Variants in TMTC4 observed in about 807,000 individuals in gnomAD.
TMTC4 encodes protein O-mannosyl-transferase TMTC4.
In TMTC4, 65 loss-of-function variants were observed where a neutral mutation model predicts 86.0. The ratio of observed to expected loss-of-function variants is 0.76; its 90% CI spans 0.62 to 0.93. The LOEUF is 0.93. TMTC4 is among the 40% of genes least tolerant of loss of function. The pLI is 0.00. For synonymous variants in TMTC4, 379 were observed against 382.5 expected, an observed-to-expected ratio of 0.99 and a Z score of 0.11; for missense variants, 866 against 948.1, an observed-to-expected ratio of 0.91 and a Z score of 1.14.
chr13:100,654,919 G>C (rs1011050826), intron 6 of TMTC4, among the ~76,000 whole-genome samples: 4 of 151,860 alleles, frequency 2.6e-5, no homozygotes, highest in African/African-American at 9.7e-5. Flanking sequence ...ACAAGGAGTA[G>C]TGACTTTAAG....
intron 5 of TMTC4, among the ~76,000 whole-genome samples, chr13:100,659,114 T>C (rs1885461458): frequency 6.6e-6 from 1 of 152,146 alleles, no homozygotes; most frequent in Admixed American, 6.5e-5. Context: ...CTCTGAATCC[T>C]TAAAGCAGGC....
intron 6 of TMTC4, among the ~76,000 whole-genome samples, chr13:100,647,370 C>T (rs926625504): frequency 7.2e-5 from 11 of 152,178 alleles, no homozygotes; most frequent in Middle Eastern, 3.2e-3. Context: ...GTTGACCAGG[C>T]GCTCAGCTCC....
intron 8 of TMTC4, 51 bp downstream of exon 8, chr13:100,637,879 T>G (rs1240698841): frequency 6.4e-7 from 1 of 1,555,492 alleles, no homozygotes; most frequent in Non-Finnish European, 8.8e-7. Context: ...TTAAATCAGC[T>G]GGTACTTGAC....
chr13:100,665,207 T>C (rs1212780276), intron 3 of TMTC4, among the ~76,000 whole-genome samples: 4 of 152,150 alleles, frequency 2.6e-5, no homozygotes, highest in African/African-American at 7.2e-5. Context: ...AAGATGAAAG[T>C]AGATGGCTTA....
At chr13:100,612,282 G>A in intron 17 of TMTC4, 116 bp downstream of exon 17, 1 of 777,748 alleles carries the variant, frequency 1.3e-6, no homozygotes, top group Non-Finnish European at 2.1e-6. Flanking sequence ...CCACATTGGT[G>A]CACCACTGCC....
At chr13:100,626,240 T>A in intron 12 of TMTC4, 90 bp from the exon 13 acceptor site, 1 of 1,365,842 alleles carries the variant, frequency 7.3e-7, no homozygotes, top group Non-Finnish European at 1.0e-6. Flanking sequence ...AGACAAAAGG[T>A]AAAGCGACGA....
intron 5 of TMTC4, among the ~76,000 whole-genome samples, chr13:100,661,603 A>C (rs1270225614): frequency 1.3e-5 from 2 of 152,186 alleles, no homozygotes; most frequent in African/African-American, 4.8e-5. Flanking sequence ...ATATATAAAG[A>C]GCTTATAACT....
At chr13:100,659,680 T>C (rs1292939469) in intron 5 of TMTC4, among the ~76,000 whole-genome samples, 3 of 151,564 alleles carry the variant, frequency 2.0e-5, no homozygotes, top group Non-Finnish European at 2.9e-5. Context: ...GTCAGAGGGT[T>C]TGGGTGTCTA....
Position 100,670,957 on chromosome 13 carries a change from C to A in TMTC4, c.-207-388G>T, listed in dbSNP as rs541315840. On this transcript the variant is annotated intron_variant, in intron 1 of 18. Coordinates refer to ENST00000342624, the MANE Select transcript of TMTC4 (RefSeq NM_032813.5). Reference sequence around the variant, plus strand: ...CAACAGAGTGAGACCCTGTCTCAAACAACAACAAAGCCCAACAAAGCCAAA... The same window carrying A: ...CAACAGAGTGAGACCCTGTCTCAAAAAACAACAAAGCCCAACAAAGCCAAA... 5.9e-5 allele frequency among the ~76,000 whole-genome samples: 9 copies of A among 152,188 alleles called. No individual in the cohort carries two copies. The South Asian group carries it at 1.7e-3, about 28-fold the overall frequency.
chr13:100,612,499 G>C lies in TMTC4; in HGVS notation c.1963C>G (p.Gln655Glu), dbSNP rs745307500. ...ILLDNTGNLA[Q>E]AEAVGREALE... ...GCCTCTCTTCCAACTGCTTCAGCTT[G>C]GGCTAAATTACCTGGGAGTGAAAAA... Residue 655 changes from glutamine to glutamate, a missense_variant, in exon 17 of 19, where the codon CAA (glutamine) becomes GAA (glutamate). Physicochemically the swap from Gln to Glu is conservative, Grantham distance 29 (BLOSUM62 2). Coordinates refer to ENST00000342624, the MANE Select transcript of TMTC4 (RefSeq NM_032813.5). 6.2e-7 allele frequency: 1 copy of C among 1,609,786 alleles called. No individual in the cohort carries two copies. Among genetic ancestry groups the C allele is most frequent in the African/African-American group, 1.3e-5 (1 of 74,738 alleles).
intron 17 of TMTC4, among the ~76,000 whole-genome samples, chr13:100,609,119 CTCCT>C (rs1566555238): frequency 6.6e-6 from 1 of 152,046 alleles, no homozygotes; most frequent in African/African-American, 2.4e-5. Flanking sequence ...TCTATTCTCC[CTCCT>C]TCCTTCTGAT....
In TMTC4 at chr13:100,640,653, C is replaced by T. The variant is rs141044400; in HGVS notation, c.741+1558G>A. Among the ~76,000 whole-genome samples the T allele has an allele frequency of 2.6e-5, 4 of 152,060 alleles. No individual in the cohort carries two copies. In the East Asian group the frequency reaches 7.8e-4, roughly 30 times the overall value. ...GGCCAACACAGGGAGACCCCATCTC[C>T]ACAAAAAATTTTAGAAAATTAGCTG... On this transcript the variant is annotated intron_variant, in intron 7 of 18. Coordinates refer to ENST00000342624, the MANE Select transcript of TMTC4 (RefSeq NM_032813.5).
chr13:100,659,185 G>C (rs529307980), intron 5 of TMTC4, among the ~76,000 whole-genome samples: 5 of 152,298 alleles, frequency 3.3e-5, no homozygotes, highest in Admixed American at 3.3e-4. Flanking sequence ...GAATTAGGGG[G>C]ATGGGGAAGG....
intron 2 of TMTC4, among the ~76,000 whole-genome samples, chr13:100,669,248 G>A (rs1365357109): frequency 1.3e-5 from 2 of 152,162 alleles, no homozygotes; most frequent in Admixed American, 6.5e-5. Flanking sequence ...ACACAACCCT[G>A]CTTCTGAAAG....
chr13:100,674,138 C>G (rs1887505762), intron 1 of TMTC4: 1 of 983,486 alleles, frequency 1.0e-6, no homozygotes. Flanking sequence ...AAACTCCGAG[C>G]CCACGCCGGG....
intron 1 of TMTC4, 115 bp downstream of exon 1, chr13:100,674,629 G>T: frequency 1.0e-6 from 1 of 982,688 alleles, no homozygotes; most frequent in Non-Finnish European, 1.2e-6. Flanking sequence ...CTCTGGCCCG[G>T]GCCGCCGTGC....
intron 1 of TMTC4, chr13:100,674,272 A>AG: frequency 1.0e-6 from 1 of 978,720 alleles, no homozygotes; most frequent in South Asian, 4.7e-5. Context: ...CGCGGAACCC[A>AG]GGGCAGGCGG....
intron 2 of TMTC4, among the ~76,000 whole-genome samples, chr13:100,669,582 G>A (rs773693946): frequency 4.6e-5 from 7 of 152,016 alleles, no homozygotes; most frequent in African/African-American, 1.7e-4. Flanking sequence ...AATGTTTCTC[G>A]CCGGGGATGC....
chr13:100,632,053 A>ACACACACACTCTCTCT (rs1296569630), intron 12 of TMTC4, among the ~76,000 whole-genome samples: 119 of 43,100 alleles, frequency 2.8e-3, no homozygotes, highest in Non-Finnish European at 4.2e-3. Flanking sequence ...ACACACACAC[A>ACACACACACTCTCTCT]CTCTCTCTCT....
Sources: gnomAD v4.1 joint callset for allele counts (sites outside exome capture counted in the v4.1 genomes callset) on GRCh38, gnomAD v4.1.1 for gene constraint, MANE v1.5 for transcripts, NCBI Gene and HGNC (gene_info 2026-07-23, HGNC 2026-07-21) for gene names.